The following PTPRD variants were observed in gnomAD, a reference collection of about 807,000 sequenced individuals.
PTPRD encodes protein tyrosine phosphatase receptor type D, also known as receptor-type tyrosine-protein phosphatase delta.
In PTPRD, 34 loss-of-function variants were observed where a neutral mutation model predicts 214.5. That is an observed-to-expected ratio of 0.16 (90% confidence interval 0.12 to 0.21). The LOEUF (loss-of-function observed/expected upper bound fraction) is 0.21, where lower values mean the gene tolerates loss of function less well. Among genes scored for constraint, PTPRD ranks in the 10% least tolerant of loss-of-function variants. PTPRD has a pLI of 1.00. For synonymous variants in PTPRD, 1,128 were observed against 845.7 expected (o/e 1.33, Z -5.79); for missense variants, 2,545 against 2,398.7 (o/e 1.06, Z -1.27).
chr9:9,842,913 A>C (rs2058678085), intron 5 of PTPRD, among the ~76,000 whole-genome samples: 1 of 152,128 alleles, frequency 6.6e-6, no homozygotes, highest in Non-Finnish European at 1.5e-5. Context: ...ATAATGTATC[A>C]GGGTACTCAT....
intron 11 of PTPRD, among the ~76,000 whole-genome samples, chr9:8,765,465 G>A (rs974284497): frequency 6.6e-6 from 1 of 152,188 alleles, no homozygotes; most frequent in African/African-American, 2.4e-5. Context: ...CACATGGTGA[G>A]AAAAACCAAT....
chr9:9,600,583 ATC>A (rs1354304381), intron 7 of PTPRD, among the ~76,000 whole-genome samples: 1 of 152,122 alleles, frequency 6.6e-6, no homozygotes, highest in Non-Finnish European at 1.5e-5. Context: ...TAGTTTGGGT[ATC>A]TGTCTGTCAG....
intron 12 of PTPRD, among the ~76,000 whole-genome samples, chr9:8,710,148 T>C (rs989533319): frequency 6.6e-6 from 1 of 152,164 alleles, no homozygotes. Flanking sequence ...TTGTTACTAA[T>C]ATTAGAAGCT....
At chr9:8,677,195 G>A (rs2097441182) in intron 12 of PTPRD, among the ~76,000 whole-genome samples, 1 of 152,086 alleles carries the variant, frequency 6.6e-6, no homozygotes, top group Admixed American at 6.5e-5. Context: ...ATCAAAACAT[G>A]GGAGCCGTAA....
At chr9:8,873,072 G>A (rs746383875) in intron 11 of PTPRD, among the ~76,000 whole-genome samples, 9 of 152,308 alleles carry the variant, frequency 5.9e-5, no homozygotes, top group South Asian at 2.1e-4. Context: ...TTACTGCAGC[G>A]ATATGCCCTG....
chr9:9,331,297 C>A (rs1377725977), intron 9 of PTPRD, among the ~76,000 whole-genome samples: 1 of 151,930 alleles, frequency 6.6e-6, no homozygotes, highest in Non-Finnish European at 1.5e-5. Flanking sequence ...TTTTTCCACC[C>A]CCATTTCCAA....
intron 5 of PTPRD, among the ~76,000 whole-genome samples, chr9:9,877,638 A>G (rs770426539): frequency 6.6e-6 from 1 of 152,126 alleles, no homozygotes; most frequent in Non-Finnish European, 1.5e-5. Context: ...ATTCTAGATC[A>G]CCAAGATAGG....
In PTPRD at chr9:10,372,142, C is replaced by T. The variant is rs77596601; in HGVS notation, c.-599-31125G>A. 1.5e-4 allele frequency among the ~76,000 whole-genome samples: 23 copies of T among 152,174 alleles called. No individual in the cohort carries two copies. In the East Asian group the frequency reaches 4.4e-3, roughly 29 times the overall value. On this transcript the variant is annotated intron_variant, in intron 2 of 45. Transcript: ENST00000381196. Reference sequence around the variant, plus strand: ...AGGAGAAAGAGAATAATTTTTAAAACAGACTTTAGTACAATACAGTTTTCT... The same window carrying T: ...AGGAGAAAGAGAATAATTTTTAAAATAGACTTTAGTACAATACAGTTTTCT...
At chr9:10,113,878 A>G (rs1202545702) in intron 3 of PTPRD, among the ~76,000 whole-genome samples, 2 of 152,178 alleles carry the variant, frequency 1.3e-5, no homozygotes, top group Non-Finnish European at 2.9e-5. Context: ...AATCTGGGAA[A>G]AGACTCAGCT....
At chr9:9,313,162 A>G (rs1960104162) in intron 9 of PTPRD, among the ~76,000 whole-genome samples, 1 of 152,124 alleles carries the variant, frequency 6.6e-6, no homozygotes, top group Admixed American at 6.6e-5. Context: ...GCCTATGATA[A>G]ACCTGGTTTT....
chr9:8,784,649 A>G (rs2095865730), intron 11 of PTPRD, among the ~76,000 whole-genome samples: 2 of 67,792 alleles, frequency 3.0e-5, no homozygotes, highest in South Asian at 1.3e-3. Flanking sequence ...CTCTTATCTC[A>G]TGTTTTTAAA....
intron 14 of PTPRD, among the ~76,000 whole-genome samples, chr9:8,587,927 G>A (rs942603758): frequency 3.9e-5 from 6 of 152,152 alleles, no homozygotes; most frequent in Non-Finnish European, 4.4e-5. Flanking sequence ...ATCAAGTCAC[G>A]AGAATTAAGG....
At chr9:9,539,965 C>A (rs1040860764) in intron 8 of PTPRD, among the ~76,000 whole-genome samples, 1 of 151,810 alleles carries the variant, frequency 6.6e-6, no homozygotes, top group African/African-American at 2.4e-5. Context: ...AATTACCCTA[C>A]ACGGATATTT....
At chr9:9,618,677 G>T (rs917027098) in intron 7 of PTPRD, among the ~76,000 whole-genome samples, 1 of 152,144 alleles carries the variant, frequency 6.6e-6, no homozygotes, top group Non-Finnish European at 1.5e-5. Context: ...TTTAATGTAA[G>T]ATAGGTATCA....
At chr9:10,282,155 A>G (rs566587053) in intron 3 of PTPRD, among the ~76,000 whole-genome samples, 1 of 152,090 alleles carries the variant, frequency 6.6e-6, no homozygotes, top group African/African-American at 2.4e-5. Context: ...TTGAATCCAG[A>G]CTCTGCCACC....
Position 9,765,946 on chromosome 9 carries a change from G to A in PTPRD, c.-326+864C>T, listed in dbSNP as rs372622826. On this transcript the variant is annotated intron_variant, in intron 6 of 45. Transcript: ENST00000381196. The stretch of plus-strand genomic sequence containing the variant: ...CAAAGTGCTGGGATTACAGGCGTGA[G>A]CCACCGCGCCCAGCCCGTAAATTCT... Among the ~76,000 whole-genome samples the A allele has an allele frequency of 2.9e-3, 440 of 152,314 alleles. 2 individuals carry two copies. The highest frequency in any genetic ancestry group is 0.01 in the African/African-American group (417 of 41,566).
chr9:9,403,929 G>A (rs2072062645), intron 8 of PTPRD, among the ~76,000 whole-genome samples: 1 of 152,032 alleles, frequency 6.6e-6, no homozygotes, highest in Admixed American at 6.6e-5. Flanking sequence ...CTCAAAGGAG[G>A]AATATTTAGA....
intron 2 of PTPRD, among the ~76,000 whole-genome samples, chr9:10,408,220 C>T (rs187225424): frequency 2.6e-5 from 4 of 151,552 alleles, no homozygotes; most frequent in Admixed American, 2.0e-4. Context: ...AAGAATGAAG[C>T]CTTCCTAAAC....
chr9:8,809,738 G>A (rs2096762498), intron 11 of PTPRD, among the ~76,000 whole-genome samples: 1 of 152,158 alleles, frequency 6.6e-6, no homozygotes, highest in African/African-American at 2.4e-5. Flanking sequence ...CAACACTGCT[G>A]TCGAGAGCCA....
Sources: allele counts gnomAD v4.1 joint callset (sites outside exome capture counted in the v4.1 genomes callset), GRCh38; gene constraint gnomAD v4.1.1; transcripts MANE v1.5; gene names NCBI Gene and HGNC (gene_info 2026-07-23, HGNC 2026-07-21).